The following VIPR2 variants were observed in gnomAD, a reference collection of about 807,000 sequenced individuals.
VIPR2 encodes vasoactive intestinal polypeptide receptor 2.
Under a neutral mutation model 58.0 loss-of-function variants are expected in VIPR2, and 48 were observed. That is an observed-to-expected ratio of 0.83 (90% CI 0.66 to 1.05). VIPR2 has a LOEUF of 1.05. Among genes scored for constraint, VIPR2 ranks in the 50% least tolerant of loss-of-function variants. VIPR2 has a pLI of 0.00. For synonymous variants in VIPR2, 243 were observed against 235.2 expected, an observed-to-expected ratio of 1.03 and a Z score of -0.30; for missense variants, 534 against 558.0, an observed-to-expected ratio of 0.96 and a Z score of 0.43.
At chr7:159,090,165 C>A (rs113092105) in intron 4 of VIPR2, among the ~76,000 whole-genome samples, 5 of 136,344 alleles carry the variant, frequency 3.7e-5, no homozygotes, top group African/African-American at 1.5e-4. Context: ...GGGGCCACCT[C>A]TTATGACCAT....
intron 4 of VIPR2, among the ~76,000 whole-genome samples, chr7:159,088,797 A>G (rs895784102): frequency 6.6e-6 from 1 of 152,224 alleles, no homozygotes; most frequent in African/African-American, 2.4e-5. Context: ...CTGGGAGAAC[A>G]ATCCCAGTGC....
chr7:159,132,913 C>G (rs540168853), intron 2 of VIPR2, among the ~76,000 whole-genome samples: 1 of 138,474 alleles, frequency 7.2e-6, no homozygotes, highest in Admixed American at 7.3e-5. Flanking sequence ...GATTGGCATA[C>G]AGATTGATTT....
intron 2 of VIPR2, among the ~76,000 whole-genome samples, chr7:159,115,205 T>C (rs1796191970): frequency 6.6e-6 from 1 of 152,188 alleles, no homozygotes; most frequent in African/African-American, 2.4e-5. Flanking sequence ...GCATTTCCAC[T>C]ACCATGGGAA....
rs1434818533 is a variant in VIPR2 at position 159,031,003 on chromosome 7, T to C, written c.1144-214A>G. 6.6e-6 allele frequency among the ~76,000 whole-genome samples: 1 copy of C among 152,214 alleles called. No individual in the cohort carries two copies. Among genetic ancestry groups the C allele is most frequent in the African/African-American group, 2.4e-5 (1 of 41,462 alleles). On this transcript the variant is annotated intron_variant, in intron 12 of 12. Transcript: ENST00000262178. This position sits in a 1 kb window ranked among gnomAD's most constrained non-coding sequence, Gnocchi z 4.0. ...AGGAGGGCGGGGGACGCTGCCAGAC[T>C]CTAAGACTGTGCGTGGGTGGTTCGG...
chr7:159,144,013 C>A (rs1239185951), intron 1 of VIPR2, among the ~76,000 whole-genome samples: 2 of 152,258 alleles, frequency 1.3e-5, no homozygotes, highest in African/African-American at 4.8e-5. Context: ...GCGGATCGAT[C>A]CAGACCTGCC....
At chr7:159,114,623 A>G (rs1273069241) in intron 2 of VIPR2, among the ~76,000 whole-genome samples, 2 of 152,180 alleles carry the variant, frequency 1.3e-5, no homozygotes, top group African/African-American at 4.8e-5. Flanking sequence ...CTCCCTTAAC[A>G]TCACAGAGAA....
intron 5 of VIPR2, among the ~76,000 whole-genome samples, chr7:159,050,364 A>T (rs1296660524): frequency 6.6e-6 from 1 of 150,864 alleles, no homozygotes; most frequent in Non-Finnish European, 1.5e-5. Flanking sequence ...CAAAAAAAAA[A>T]ACAAAAAAAA....
At chr7:159,075,156 A>G (rs1856574294) in intron 4 of VIPR2, among the ~76,000 whole-genome samples, 1 of 152,232 alleles carries the variant, frequency 6.6e-6, no homozygotes, top group African/African-American at 2.4e-5. Flanking sequence ...CCACTGTTAA[A>G]TAAGAATAAA....
At chr7:159,055,274 A>T (rs1307320027) in intron 5 of VIPR2, among the ~76,000 whole-genome samples, 1 of 152,220 alleles carries the variant, frequency 6.6e-6, no homozygotes, top group Non-Finnish European at 1.5e-5. Flanking sequence ...CTCTGGTGCC[A>T]GAACTCTGAA....
chr7:159,100,951 C>T (rs568854962), intron 4 of VIPR2, among the ~76,000 whole-genome samples: 207 of 146,052 alleles, frequency 1.4e-3, no homozygotes, highest in Non-Finnish European at 2.4e-3. Flanking sequence ...TCCGATGAGG[C>T]GGTTCCGACT....
chr7:159,142,818 T>C (rs1016637528), intron 1 of VIPR2, among the ~76,000 whole-genome samples: 4 of 152,192 alleles, frequency 2.6e-5, no homozygotes, highest in African/African-American at 4.8e-5. Flanking sequence ...CGGTACTAAT[T>C]TGGAGGCAAC....
rs374732193 is a variant in VIPR2 at position 159,128,963 on chromosome 7, G to A, written c.151+13483C>T. Among the ~76,000 whole-genome samples the A allele has an allele frequency of 6.6e-6, 1 of 152,192 alleles. No individual in the cohort carries two copies. The highest frequency in any genetic ancestry group is 1.5e-5 in the Non-Finnish European group (1 of 68,028). Reference sequence around the variant, plus strand: ...CAGGGCAAAGCCAGCCCGAGCGCCAGTGTAAATGCACCCCCTCCCTCCTGT... The same window carrying A: ...CAGGGCAAAGCCAGCCCGAGCGCCAATGTAAATGCACCCCCTCCCTCCTGT... On this transcript the variant is annotated intron_variant, in intron 2 of 12. Coordinates refer to ENST00000262178, the MANE Select transcript of VIPR2 (RefSeq NM_003382.5). The surrounding 1 kb of genome is among the most constrained non-coding windows in gnomAD (Gnocchi z 4.1).
At chr7:159,126,799 A>G (rs1796665967) in intron 2 of VIPR2, among the ~76,000 whole-genome samples, 1 of 152,230 alleles carries the variant, frequency 6.6e-6, no homozygotes, top group Admixed American at 6.5e-5. Flanking sequence ...AGTTTCTTCT[A>G]CTTGGCAGTA....
intron 4 of VIPR2, among the ~76,000 whole-genome samples, chr7:159,070,127 A>T (rs910269773): frequency 6.6e-5 from 10 of 152,210 alleles, no homozygotes; most frequent in Admixed American, 5.9e-4. Context: ...GTAAAAAGGA[A>T]CTTGCCCTTT....
Position 159,090,925 on chromosome 7 carries a change from G to A in VIPR2, c.357+12832C>T, listed in dbSNP as rs374730681. ...ACCTATTGTGACTATCACAATCCCC[G>A]GTGACCTCAGCACAGACACGCTGGG... is the stretch of plus-strand genomic sequence containing the variant. On this transcript the variant is annotated intron_variant, in intron 4 of 12. Coordinates refer to ENST00000262178, the MANE Select transcript of VIPR2 (RefSeq NM_003382.5). 1.4e-4 allele frequency among the ~76,000 whole-genome samples: 14 copies of A among 102,178 alleles called. 1 individual carries two copies. The highest frequency in any genetic ancestry group is 4.2e-4 in the African/African-American group (11 of 26,172). The allele number at this position is 102,178 out of a possible 152,430, so 67.0% of individuals were successfully genotyped here.
chr7:159,142,460 G>C lies in VIPR2; in HGVS notation c.137C>G (p.Thr46Arg). ...TKCAELLRSQ[T>R]EKHKACSGVW... ...CTCTGCCTTACCTTTGTGTTTTTCTGTTTGAGACCTCAGAAGCTCTGCACA... is the reference window on the plus strand; with the variant it reads ...CTCTGCCTTACCTTTGTGTTTTTCTCTTTGAGACCTCAGAAGCTCTGCACA... The change falls in exon 2 of 13, where the codon ACA becomes AGA. Residue 46 changes from threonine (T) to arginine (R), a missense_variant. Physicochemically the swap from Thr to Arg is moderately conservative, Grantham distance 71. This residue lies in a region of VIPR2 where 224 missense variants were observed against 255.7 expected (regional missense o/e 0.88). Coordinates refer to ENST00000262178, the MANE Select transcript of VIPR2 (RefSeq NM_003382.5). 6.2e-7 allele frequency: 1 copy of C among 1,613,034 alleles called. No individual in the cohort carries two copies. The highest frequency in any genetic ancestry group is 1.1e-5 in the South Asian group (1 of 90,956).
chr7:159,049,736 C>T (rs114872854), intron 5 of VIPR2, among the ~76,000 whole-genome samples: 3,386 of 152,212 alleles, frequency 0.022, 60 homozygotes, highest in African/African-American at 0.055. Context: ...TCATGGGTGC[C>T]GGGTGGCAAG....
intron 4 of VIPR2, among the ~76,000 whole-genome samples, chr7:159,092,653 T>TC (rs1563317982): frequency 5.0e-5 from 3 of 59,904 alleles, no homozygotes. Context: ...TTCTTTTCTT[T>TC]TTTTTTTTTT....
chr7:159,117,561 GC>G (rs1796286318), intron 2 of VIPR2, among the ~76,000 whole-genome samples: 2 of 152,352 alleles, frequency 1.3e-5, no homozygotes, highest in Admixed American at 6.5e-5. Flanking sequence ...CACCATGCTT[GC>G]CACGCAGCTC....
Sources: allele counts gnomAD v4.1 joint callset (sites outside exome capture counted in the v4.1 genomes callset), GRCh38; gene constraint gnomAD v4.1.1; regional missense constraint gnomAD v4.1.1; non-coding constraint Gnocchi (gnomAD v3.1); transcripts MANE v1.5; gene names NCBI Gene and HGNC (gene_info 2026-07-23, HGNC 2026-07-21).